The following CLEC16A variants were observed in gnomAD, a reference collection of about 807,000 sequenced individuals.
CLEC16A encodes the protein C-type lectin domain containing 16A, also known as protein CLEC16A.
A neutral mutation model predicts 109.5 loss-of-function variants in CLEC16A; 51 were observed. The ratio of observed to expected loss-of-function variants is 0.47; its 90% CI spans 0.37 to 0.59. The LOEUF (loss-of-function observed/expected upper bound fraction) is 0.59, where lower values mean the gene tolerates loss of function less well. Ranked by LOEUF, CLEC16A falls within the 20% of genes least tolerant of loss-of-function variation. The probability of loss-of-function intolerance (pLI) is 0.00; values close to 1 mark genes in which losing one functional copy is unlikely to be tolerated. For missense variants in CLEC16A, 1,339 were observed against 1,394.0 expected, an observed-to-expected ratio of 0.96 and a Z score of 0.63; for synonymous variants, 673 against 564.2, an observed-to-expected ratio of 1.19 and a Z score of -2.73.
chr16:10,953,548 A>C (rs1056600018), intron 1 of CLEC16A, among the ~76,000 whole-genome samples: 3 of 152,242 alleles, frequency 2.0e-5, no homozygotes, highest in African/African-American at 7.2e-5. Context: ...ACCTCTACTC[A>C]TCTAAAGACC....
At position 11,127,806 on chromosome 16, in the gene CLEC16A, G is replaced by A. The variant is rs1305246184; in HGVS notation, c.2641+1660G>A. Reference sequence around the variant, plus strand: ...GGTCACTTGAGCCCAGGAGGTTGACGCTGCAGTGAGCTATGATTGTACCAT... The same window carrying A: ...GGTCACTTGAGCCCAGGAGGTTGACACTGCAGTGAGCTATGATTGTACCAT... On this transcript the variant is annotated intron_variant, in intron 22 of 23. Transcript: ENST00000409790. Among the ~76,000 whole-genome samples, 14 of 152,164 alleles carry A rather than the reference G, an allele frequency of 9.2e-5. No homozygotes were observed. The East Asian group carries it at 2.5e-3, about 27-fold the overall frequency.
chr16:10,960,624 C>T (rs964100869), intron 2 of CLEC16A, among the ~76,000 whole-genome samples: 3 of 152,126 alleles, frequency 2.0e-5, no homozygotes, highest in African/African-American at 7.2e-5. Context: ...AAGAGAGTCA[C>T]CAAGTCTACC....
rs761920464 is a variant in CLEC16A, at chr16:10,944,806, G to T, written c.80+9G>T. 7.5e-6 allele frequency: 12 copies of T among 1,599,580 alleles called. No individual in the cohort carries two copies. Among genetic ancestry groups the T allele is most frequent in the Non-Finnish European group, 1.0e-5 (12 of 1,172,622 alleles). On this transcript the variant is annotated intron_variant, in intron 1 of 23. Transcript: ENST00000409790. Reference sequence around the variant, plus strand: ...TCCTTGGACCACCTCAAGTGAGTGTGGGGGGCGTAGCGGGAGGCCTCGGGG... The same window carrying T: ...TCCTTGGACCACCTCAAGTGAGTGTTGGGGGCGTAGCGGGAGGCCTCGGGG...
At chr16:10,990,416 G>A (rs2043934423) in intron 10 of CLEC16A, among the ~76,000 whole-genome samples, 1 of 152,242 alleles carries the variant, frequency 6.6e-6, no homozygotes, top group Non-Finnish European at 1.5e-5. Flanking sequence ...GGGGCAGAAG[G>A]TGGGCTGGAC....
At chr16:11,014,558 A>T (rs953833997) in intron 11 of CLEC16A, among the ~76,000 whole-genome samples, 1 of 152,274 alleles carries the variant, frequency 6.6e-6, no homozygotes, top group Non-Finnish European at 1.5e-5. Flanking sequence ...AAATAAAATG[A>T]AAAATAGTAC....
At chr16:11,100,012 AC>A (rs35709920) in intron 19 of CLEC16A, among the ~76,000 whole-genome samples, 1 of 151,948 alleles carries the variant, frequency 6.6e-6, no homozygotes, top group Non-Finnish European at 1.5e-5. Context: ...CAGGCTCTAC[AC>A]CCCTGCCAAC....
chr16:11,115,724 G>A (rs9928059), intron 19 of CLEC16A, among the ~76,000 whole-genome samples: 4,275 of 152,176 alleles, frequency 0.028, 209 homozygotes, highest in African/African-American at 0.098. Flanking sequence ...CAAAGAAAAT[G>A]TTTATAAGAA....
intron 12 of CLEC16A, among the ~76,000 whole-genome samples, chr16:11,023,816 T>G (rs2046258779): frequency 6.6e-6 from 1 of 152,126 alleles, no homozygotes; most frequent in Admixed American, 6.5e-5. Context: ...CTCATGAAGG[T>G]GCTCTGTTCT....
chr16:10,994,485 A>G (rs538584057), intron 10 of CLEC16A, among the ~76,000 whole-genome samples: 1 of 152,266 alleles, frequency 6.6e-6, no homozygotes, highest in African/African-American at 2.4e-5. Flanking sequence ...TGGCCAAGCC[A>G]TGTGCTACAG....
intron 11 of CLEC16A, among the ~76,000 whole-genome samples, chr16:11,013,275 G>C (rs1451975487): frequency 1.3e-5 from 2 of 152,130 alleles, no homozygotes; most frequent in Non-Finnish European, 2.9e-5. Context: ...AAGCTACTTG[G>C]ATTAATCTGA....
intron 2 of CLEC16A, among the ~76,000 whole-genome samples, chr16:10,959,995 T>A (rs1339478153): frequency 6.6e-6 from 1 of 152,178 alleles, no homozygotes; most frequent in Non-Finnish European, 1.5e-5. Context: ...TCTTAGGGTC[T>A]CCATGATTCT....
intron 19 of CLEC16A, among the ~76,000 whole-genome samples, chr16:11,085,838 C>T (rs1050828924): frequency 6.6e-6 from 1 of 152,188 alleles, no homozygotes; most frequent in African/African-American, 2.4e-5. Context: ...GTGACCCTCC[C>T]ACCTCAGCCT....
intron 10 of CLEC16A, among the ~76,000 whole-genome samples, chr16:10,999,206 G>C (rs2044512884): frequency 6.6e-6 from 1 of 151,880 alleles, no homozygotes; most frequent in Non-Finnish European, 1.5e-5. Flanking sequence ...CAAAGTGCTG[G>C]GATTACAGAC....
intron 19 of CLEC16A, among the ~76,000 whole-genome samples, chr16:11,100,017 T>A (rs1339619093): frequency 6.6e-6 from 1 of 152,180 alleles, no homozygotes; most frequent in Non-Finnish European, 1.5e-5. Flanking sequence ...TCTACACCCC[T>A]GCCAACTGTC....
intron 11 of CLEC16A, among the ~76,000 whole-genome samples, chr16:11,012,011 A>G (rs2045449680): frequency 6.6e-6 from 1 of 151,960 alleles, no homozygotes. Context: ...TGTTTTTGCA[A>G]TTTTCCCTCC....
intron 22 of CLEC16A, among the ~76,000 whole-genome samples, chr16:11,128,702 C>A (rs375285794): frequency 2.0e-5 from 3 of 152,088 alleles, no homozygotes; most frequent in African/African-American, 7.2e-5. Context: ...CATAGGCTGC[C>A]CCCACCCCCA....
chr16:11,048,748 C>T (rs940045267), intron 17 of CLEC16A, among the ~76,000 whole-genome samples: 4 of 152,212 alleles, frequency 2.6e-5, no homozygotes, highest in African/African-American at 9.6e-5. Flanking sequence ...ATTCCTCCAG[C>T]CCCTTCGAGA....
chr16:11,177,244 T>G (rs1241669800), intron 23 of CLEC16A, among the ~76,000 whole-genome samples: 3 of 152,242 alleles, frequency 2.0e-5, no homozygotes, highest in Non-Finnish European at 4.4e-5. Flanking sequence ...TCCAGCTGCA[T>G]CTGGTGTTTC....
At chr16:11,083,817 G>C (rs2049866191) in intron 19 of CLEC16A, among the ~76,000 whole-genome samples, 1 of 152,216 alleles carries the variant, frequency 6.6e-6, no homozygotes, top group African/African-American at 2.4e-5. Flanking sequence ...CAGGGAGGCT[G>C]GCCCAGGGGG....
Sources: gnomAD v4.1 joint callset for allele counts (sites outside exome capture counted in the v4.1 genomes callset) on GRCh38, gnomAD v4.1.1 for gene constraint, MANE v1.5 for transcripts, NCBI Gene and HGNC (gene_info 2026-07-23, HGNC 2026-07-21) for gene names.